The following PKHD1L1 variants were observed in gnomAD, a reference collection of about 807,000 sequenced individuals.
PKHD1L1 encodes PKHD1 like 1.
In PKHD1L1, 434 loss-of-function variants were observed where a neutral mutation model predicts 462.9. The observed-to-expected ratio is 0.94, with a 90% CI of 0.87 to 1.02. The LOEUF is 1.02. Among genes scored for constraint, PKHD1L1 ranks in the 50% least tolerant of loss-of-function variants. The probability of loss-of-function intolerance (pLI) is 0.00; values close to 1 mark genes in which losing one functional copy is unlikely to be tolerated. For synonymous variants in PKHD1L1, 1,781 were observed against 1,750.0 expected (o/e 1.02, Z -0.44); for missense variants, 5,202 against 5,096.1 (o/e 1.02, Z -0.63).
intron 4 of PKHD1L1, among the ~76,000 whole-genome samples, chr8:109,383,081 A>G (rs1812210307): frequency 7.8e-6 from 1 of 128,014 alleles, no homozygotes; most frequent in Non-Finnish European, 1.6e-5. Context: ...TTATATATAA[A>G]TAGTTATTAT....
At chr8:109,362,750 C>G in intron 1 of PKHD1L1, 97 bp downstream of exon 1, 1 of 1,355,036 alleles carries the variant, frequency 7.4e-7, no homozygotes, top group Non-Finnish European at 1.0e-6. Context: ...CCACCTGGCA[C>G]CTGGCTGAGG....
intron 46 of PKHD1L1, among the ~76,000 whole-genome samples, chr8:109,456,833 C>G (rs897368628): frequency 6.6e-6 from 1 of 152,236 alleles, no homozygotes; most frequent in East Asian, 1.9e-4. Context: ...AGTGAACTCT[C>G]TTATCTTACA....
At position 109,464,764 on chromosome 8, in the gene PKHD1L1, A is replaced by G. The variant is rs1673398; in HGVS notation, c.7932A>G (p.Ala2644=). 0.53 allele frequency: 855,293 copies of G among 1,613,480 alleles called. 229,714 individuals are homozygous for G. Among genetic ancestry groups the G allele is most frequent in the South Asian group, 0.68 (62,012 of 91,066 alleles). The change falls in exon 49 of 78, where the codon GCA becomes GCG. Residue 2644 remains alanine (A), a synonymous_variant. Coordinates refer to ENST00000378402, the MANE Select transcript of PKHD1L1 (RefSeq NM_177531.6). ...GATCTTGTACATCTACAGTGCCTGC[A>G]CCTGCAATATTTAACTCACTTACTA... ...QTGSCTSTVP[A]PAIFNSLTTW... is the part of the protein sequence containing the mutation.
At chr8:109,496,439 C>A (rs954338835) in intron 63 of PKHD1L1, among the ~76,000 whole-genome samples, 3 of 152,126 alleles carry the variant, frequency 2.0e-5, no homozygotes, top group Non-Finnish European at 2.9e-5. Flanking sequence ...GTAAGCTCTA[C>A]CAAGTTTAGG....
chr8:109,465,277 C>A lies in PKHD1L1; in HGVS notation c.8413+32C>A, dbSNP rs146513429. On this transcript the variant is annotated intron_variant, in intron 49 of 77. Transcript: ENST00000378402. ...TTATTTTTTAATTTGTGATAAAAAT[C>A]CATTGGAAATATGTTTGTGTTAGCA... 224 of 1,582,476 alleles carry A rather than the reference C, an allele frequency of 1.4e-4. 1 individual carries two copies. The African/African-American group carries it at 2.5e-3, about 18-fold the overall frequency.
chr8:109,442,011 T>C lies in PKHD1L1; in HGVS notation c.4209T>C (p.His1403=), dbSNP rs1815820817. 6.3e-7 allele frequency: 1 copy of C among 1,581,612 alleles called. No individual in the cohort carries two copies. Among genetic ancestry groups the C allele is most frequent in the South Asian group, 1.2e-5 (1 of 83,490 alleles). The change falls in exon 35 of 78, where the codon CAT becomes CAC. Residue 1403 remains histidine, a synonymous_variant. Transcript: ENST00000378402. Reference sequence around the variant, plus strand: ...TTACTCAATTCTTGCCCCCAGTACATGGATTAGGTTATGCCTGGTCACCAC... The same window carrying C: ...TTACTCAATTCTTGCCCCCAGTACACGGATTAGGTTATGCCTGGTCACCAC... ...RITNNGKDSV[H]GLGYAWSPPV... is the part of the protein sequence containing the mutation.
chr8:109,522,885 T>G lies in PKHD1L1; in HGVS notation c.12325T>G (p.Ser4109Ala). 6.2e-7 allele frequency: 1 copy of G among 1,601,282 alleles called. No individual in the cohort carries two copies. The highest frequency in any genetic ancestry group is 8.5e-7 in the Non-Finnish European group (1 of 1,175,188). ...PQQPSVKATD[S>A]DGNCVSVGIT... ...GCAGCCTTCGGTAAAGGCAACAGAT[T>G]CTGACGTAAGTCATAACTCAAAATT... The change falls in exon 75 of 78, where the codon TCT becomes GCT. Residue 4109 changes from serine to alanine, a missense_variant. Coordinates refer to ENST00000378402, the MANE Select transcript of PKHD1L1 (RefSeq NM_177531.6).
rs748634997 is a variant in PKHD1L1, at chr8:109,523,263, C to T, written c.12361C>T (p.Leu4121=). The T allele has an allele frequency of 2.5e-6, 4 of 1,605,066 alleles. No homozygotes were observed. Among genetic ancestry groups the T allele is most frequent in the Non-Finnish European group, 3.4e-6 (4 of 1,174,868 alleles). The change falls in exon 76 of 78, where the codon CTA becomes TTA. Residue 4121 remains leucine (L), a synonymous_variant. Transcript: ENST00000378402. ...CTGTGTATCAGTTGGAATTACTGCA[C>T]TAACTTTGAGGGCCATACTCAAGGA... ...GNCVSVGITA[L]TLRAILKDSN... is the part of the protein sequence containing the mutation.
chr8:109,462,602 C>T (rs897488456), intron 48 of PKHD1L1, among the ~76,000 whole-genome samples: 2 of 151,974 alleles, frequency 1.3e-5, no homozygotes, highest in East Asian at 1.9e-4. Context: ...AGTGTAGTGG[C>T]GCAATCTCAG....
intron 21 of PKHD1L1, among the ~76,000 whole-genome samples, chr8:109,414,916 C>G (rs1480528897): frequency 1.3e-5 from 2 of 151,576 alleles, no homozygotes; most frequent in African/African-American, 4.8e-5. Context: ...AAAGCTGCTG[C>G]TCAAATCTGC....
chr8:109,522,302 C>A lies in PKHD1L1; in HGVS notation c.12148C>A (p.Pro4050Thr). The change falls in exon 74 of 78, where the codon CCC becomes ACC. Residue 4050 changes from proline to threonine, a missense_variant. Transcript: ENST00000378402. ...CATTTCGTCCATGTCTATTACTAAT[C>A]CCCTCCCCAGCCCAAGTGACTCTGG... ...FNISSMSITN[P>T]LPSPSDSGWI... is the part of the protein sequence containing the mutation. The A allele has an allele frequency of 6.2e-7, 1 of 1,607,598 alleles. No individual in the cohort carries two copies. The highest frequency in any genetic ancestry group is 1.3e-5 in the African/African-American group (1 of 74,660).
In PKHD1L1 at chr8:109,479,990, G is replaced by A. The variant is rs531705184; in HGVS notation, c.9179-1G>A. ...ATATTTCTTAAAGTATTGTTTTATA[G>A]GAACATGGATTGTAGCTGACATAGA... On this transcript the variant is annotated splice_acceptor_variant, in intron 54 of 77. Transcript: ENST00000378402. LOFTEE classifies it high-confidence loss of function. 2 of 1,564,032 alleles carry A rather than the reference G, an allele frequency of 1.3e-6. No homozygotes were observed. The highest frequency in any genetic ancestry group is 4.6e-5 in the East Asian group (2 of 43,856).
chr8:109,398,160 A>T (rs1490550795), intron 11 of PKHD1L1, among the ~76,000 whole-genome samples: 2 of 152,166 alleles, frequency 1.3e-5, no homozygotes, highest in Admixed American at 6.6e-5. Context: ...TTTACTTTGA[A>T]TTCAGAAGTA....
chr8:109,490,944 A>G, intron 60 of PKHD1L1, 28 bp from the exon 61 acceptor site: 2 of 1,531,406 alleles, frequency 1.3e-6, no homozygotes, highest in Admixed American at 2.0e-5. Context: ...TATTTTAAAA[A>G]TGTTCTCTGT....
intron 71 of PKHD1L1, among the ~76,000 whole-genome samples, chr8:109,511,351 C>A (rs1423308731): frequency 1.1e-4 from 13 of 118,982 alleles, no homozygotes; most frequent in Non-Finnish European, 2.0e-4. Flanking sequence ...CCCCTCCCCC[C>A]ACCCCACAAC....
intron 19 of PKHD1L1, among the ~76,000 whole-genome samples, chr8:109,410,435 G>A (rs931582764): frequency 6.6e-6 from 1 of 152,050 alleles, no homozygotes; most frequent in African/African-American, 2.4e-5. Context: ...GAAGGCAAAG[G>A]GGGAACAGGC....
chr8:109,376,546 G>A lies in PKHD1L1; in HGVS notation c.164-4824G>A, dbSNP rs145509137. ...CGGCACTCCCCAGTGAGATGAACCC[G>A]GTACCTCAGTTGGAAATGCAGAAAT... On this transcript the variant is annotated intron_variant, in intron 2 of 77. Coordinates refer to ENST00000378402, the MANE Select transcript of PKHD1L1 (RefSeq NM_177531.6). 5.6e-4 allele frequency among the ~76,000 whole-genome samples: 85 copies of A among 152,188 alleles called. No individual in the cohort carries two copies. In the East Asian group the frequency reaches 0.011, roughly 20 times the overall value.
intron 2 of PKHD1L1, among the ~76,000 whole-genome samples, chr8:109,371,199 A>G (rs543729551): frequency 6.6e-5 from 10 of 152,174 alleles, no homozygotes; most frequent in Non-Finnish European, 1.3e-4. Context: ...CGCCATTCTA[A>G]CTGGTGTGAG....
chr8:109,382,482 T>C lies in PKHD1L1; in HGVS notation c.328T>C (p.Tyr110His). Residue 110 changes from tyrosine to histidine, a missense_variant, in exon 4 of 78, where the codon TAC becomes CAC. Physicochemically the swap from Tyr to His is moderately conservative, Grantham distance 83 (BLOSUM62 2). Coordinates refer to ENST00000378402, the MANE Select transcript of PKHD1L1 (RefSeq NM_177531.6). ...TTATAGAGCAATGCCGGAAGATTCCTACACTGTTAGAGTCAGTGTGGACGG... is the reference window on the plus strand; with the variant it reads ...TTATAGAGCAATGCCGGAAGATTCCCACACTGTTAGAGTCAGTGTGGACGG... The part of the protein sequence containing the change: ...CYTRAMPEDS[Y>H]TVRVSVDGVP... 6.2e-7 allele frequency: 1 copy of C among 1,608,824 alleles called. No individual in the cohort carries two copies.
Sources: allele counts gnomAD v4.1 joint callset (sites outside exome capture counted in the v4.1 genomes callset), GRCh38; gene constraint gnomAD v4.1.1; transcripts MANE v1.5; gene names NCBI Gene and HGNC (gene_info 2026-07-23, HGNC 2026-07-21).